CPVL: variants seen among roughly 807,000 people sequenced by gnomAD.
CPVL encodes the protein carboxypeptidase vitellogenic like.
CPVL carries 51 observed loss-of-function variants against 63.7 expected under a neutral mutation model. That is an observed-to-expected ratio of 0.80 (90% CI 0.64 to 1.01). The LOEUF is 1.01. Ranked by LOEUF, CPVL falls within the 50% of genes least tolerant of loss-of-function variation. The probability of loss-of-function intolerance (pLI) is 0.00; values close to 1 mark genes in which losing one functional copy is unlikely to be tolerated. For missense variants in CPVL, 530 were observed against 573.1 expected (o/e 0.92, Z 0.77); for synonymous variants, 195 against 206.0 (o/e 0.95, Z 0.46).
chr7:29,176,118 G>A (rs1001468097), intron 5 of CPVL, among the ~76,000 whole-genome samples: 8 of 151,970 alleles, frequency 5.3e-5, no homozygotes, highest in African/African-American at 1.4e-4. Context: ...CCTGGGAGGC[G>A]GAGCTTACAG....
chr7:28,995,468 A>AAATT lies in CPVL; in HGVS notation c.*300_*303dup, dbSNP rs1484814351. The AAATT allele has an allele frequency of 4.0e-6, 1 of 250,520 alleles. No individual in the cohort carries two copies. Among genetic ancestry groups the AAATT allele is most frequent in the African/African-American group, 2.3e-5 (1 of 43,390 alleles). 15.5% of individuals were successfully genotyped at this position (250,520 alleles called of 1,614,324 possible). ...TGCACTTTTCACTTACTCTTAGAAG[A>AAATT]AATTAAAACTTCCTATTCAAGACCC... On this transcript the variant is annotated 3_prime_UTR_variant, in exon 13 of 13. Transcript: ENST00000265394.
chr7:29,022,663 T>A (rs112327852), intron 12 of CPVL, among the ~76,000 whole-genome samples: 217 of 152,350 alleles, frequency 1.4e-3, no homozygotes, highest in African/African-American at 4.5e-3. Context: ...GTGCATGTTG[T>A]CTGGGGGCCT....
chr7:29,072,323 T>C lies in CPVL; in HGVS notation c.710A>G (p.Asp237Gly). 1.2e-6 allele frequency: 2 copies of C among 1,614,076 alleles called. No individual in the cohort carries two copies. Among genetic ancestry groups the C allele is most frequent in the Non-Finnish European group, 1.7e-6 (2 of 1,179,986 alleles). The change falls in exon 8 of 13, where the codon GAT becomes GGT. Residue 237 changes from aspartate to glycine, a missense_variant. Physicochemically the swap from Asp to Gly is moderately conservative, Grantham distance 94. Coordinates refer to ENST00000265394, the MANE Select transcript of CPVL (RefSeq NM_031311.5). ...KINLNGIAIG[D>G]GYSDPESIIG... Reference sequence around the variant, plus strand: ...TACTGATTCGGGATCAGAATATCCATCTCCAATAGCAATTCCGTTCAGGTT... The same window carrying C: ...TACTGATTCGGGATCAGAATATCCACCTCCAATAGCAATTCCGTTCAGGTT...
Position 29,064,247 on chromosome 7 carries a change from G to T in CPVL, c.964-13C>A, listed in dbSNP as rs781368191. The T allele has an allele frequency of 3.8e-6, 6 of 1,580,456 alleles. No individual in the cohort carries two copies. The highest frequency in any genetic ancestry group is 5.2e-6 in the Non-Finnish European group (6 of 1,150,716). ...GATCCTCAGGTTCCTGGCAGAAGGG[G>T]CATTGGAAAGACATAGGGAACATGA... On this transcript the variant is annotated splice_polypyrimidine_tract_variant and intron_variant, in intron 10 of 12. Coordinates refer to ENST00000265394, the MANE Select transcript of CPVL (RefSeq NM_031311.5).
At chr7:29,181,842 C>T (rs1179725532) in intron 4 of CPVL, among the ~76,000 whole-genome samples, 2 of 152,016 alleles carry the variant, frequency 1.3e-5, no homozygotes, top group Admixed American at 6.5e-5. Context: ...AATCAGGCTG[C>T]TAAACTGCTA....
chr7:29,139,942 G>T (rs542213997), intron 1 of CPVL, among the ~76,000 whole-genome samples: 1 of 152,280 alleles, frequency 6.6e-6, no homozygotes, highest in South Asian at 2.1e-4. Flanking sequence ...ATTAGCTATG[G>T]CTGCCATTTC....
intron 3 of CPVL, among the ~76,000 whole-genome samples, chr7:29,098,374 CTG>C (rs1201511738): frequency 9.2e-5 from 14 of 152,140 alleles, no homozygotes; most frequent in Non-Finnish European, 1.8e-4. Context: ...CCAGGGGGAC[CTG>C]CTACAAGATA....
At chr7:29,103,190 G>C (rs954879065) in intron 3 of CPVL, among the ~76,000 whole-genome samples, 3 of 138,888 alleles carry the variant, frequency 2.2e-5, no homozygotes, top group Non-Finnish European at 4.8e-5. Context: ...TGGGGGGGGG[G>C]GGGGGGTGCT....
At chr7:29,023,190 T>C (rs568438775) in intron 12 of CPVL, among the ~76,000 whole-genome samples, 7 of 152,324 alleles carry the variant, frequency 4.6e-5, no homozygotes, top group African/African-American at 1.7e-4. Context: ...ATTAGTCTGT[T>C]CTCATGCTGC....
chr7:29,085,124 C>T (rs1439568357), intron 7 of CPVL, among the ~76,000 whole-genome samples: 1 of 152,212 alleles, frequency 6.6e-6, no homozygotes, highest in Non-Finnish European at 1.5e-5. Flanking sequence ...CAGCAATGGG[C>T]CACTTAGTGC....
intron 11 of CPVL, 126 bp from the exon 12 acceptor site, chr7:29,030,885 T>C: frequency 8.8e-6 from 7 of 797,218 alleles, no homozygotes; most frequent in Non-Finnish European, 1.4e-5. Flanking sequence ...GATTTTCTTC[T>C]AGTTAGCCAT....
intron 4 of CPVL, among the ~76,000 whole-genome samples, chr7:29,095,657 T>C (rs1786331991): frequency 6.6e-6 from 1 of 151,774 alleles, no homozygotes; most frequent in South Asian, 2.1e-4. Context: ...TTGCTCTTTC[T>C]TTATCCTTCC....
intron 9 of CPVL, among the ~76,000 whole-genome samples, chr7:29,066,569 T>C (rs998642345): frequency 1.3e-5 from 2 of 152,162 alleles, no homozygotes; most frequent in Admixed American, 6.5e-5. Context: ...AATAGAGCCA[T>C]GCAGACATCT....
At chr7:29,027,805 A>G (rs1210072519) in intron 12 of CPVL, among the ~76,000 whole-genome samples, 1 of 152,238 alleles carries the variant, frequency 6.6e-6, no homozygotes, top group Non-Finnish European at 1.5e-5. Flanking sequence ...GAAAACTATA[A>G]AATGCTGATG....
chr7:29,056,949 C>CTTTTTT lies in CPVL; in HGVS notation c.1137+7106_1137+7111dup, dbSNP rs70977101. Among the ~76,000 whole-genome samples the CTTTTTT allele has an allele frequency of 2.7e-3, 319 of 117,874 alleles. 5 individuals are homozygous for CTTTTTT. Among genetic ancestry groups the CTTTTTT allele is most frequent in the Middle Eastern group, 0.016 (3 of 188 alleles). 77.3% of individuals were successfully genotyped at this position (117,874 alleles called of 152,430 possible). A position where few individuals can be genotyped will look rare whatever the true frequency, so the allele number is the denominator to read the frequency against. On this transcript the variant is annotated intron_variant, in intron 11 of 12. Transcript: ENST00000265394. ...ATGATGTTGAACATCTTTTCCTTTT[C>CTTTTTT]TTTTTTTTTTTTTTTTTTTGAGACA...
intron 5 of CPVL, among the ~76,000 whole-genome samples, chr7:29,165,485 A>G (rs972343278): frequency 6.6e-6 from 1 of 152,102 alleles, no homozygotes; most frequent in Admixed American, 6.6e-5. Flanking sequence ...TTCCACAGTC[A>G]TGTTGTCTGT....
chr7:29,091,214 A>C (rs917098404), intron 6 of CPVL, among the ~76,000 whole-genome samples: 2 of 152,230 alleles, frequency 1.3e-5, no homozygotes, highest in African/African-American at 2.4e-5. Context: ...AGCAGTCGAC[A>C]TCCCCATATG....
chr7:29,159,208 T>C (rs985855144), intron 5 of CPVL, among the ~76,000 whole-genome samples: 6 of 152,172 alleles, frequency 3.9e-5, no homozygotes, highest in Non-Finnish European at 7.4e-5. Flanking sequence ...AGTTTAGACC[T>C]GAGATGGACC....
At chr7:29,061,890 G>T (rs1394460356) in intron 11 of CPVL, among the ~76,000 whole-genome samples, 2 of 150,232 alleles carry the variant, frequency 1.3e-5, no homozygotes, top group South Asian at 2.1e-4. Flanking sequence ...AGGTTGCAGT[G>T]AGCCAGTCGC....
Sources: gnomAD v4.1 joint callset for allele counts (sites outside exome capture counted in the v4.1 genomes callset) on GRCh38, gnomAD v4.1.1 for gene constraint, MANE v1.5 for transcripts, NCBI Gene and HGNC (gene_info 2026-07-23, HGNC 2026-07-21) for gene names.